The following CSMD3 variants were observed in gnomAD, a reference collection of about 807,000 sequenced individuals.
CSMD3 encodes CUB and Sushi multiple domains 3.
Under a neutral mutation model 435.2 loss-of-function variants are expected in CSMD3, and 177 were observed. The observed-to-expected ratio is 0.41, with a 90% confidence interval of 0.36 to 0.46. The LOEUF (loss-of-function observed/expected upper bound fraction) is 0.46. CSMD3 is among the 20% of genes least tolerant of loss of function. The probability of loss-of-function intolerance (pLI) is 0.34; values close to 1 mark genes in which losing one functional copy is unlikely to be tolerated. For missense variants in CSMD3, 4,265 were observed against 4,504.6 expected, an observed-to-expected ratio of 0.95 and a Z score of 1.52; for synonymous variants, 1,656 against 1,520.5, an observed-to-expected ratio of 1.09 and a Z score of -2.07.
intron 13 of CSMD3, among the ~76,000 whole-genome samples, chr8:112,743,988 C>G (rs146439584): frequency 6.6e-6 from 1 of 151,850 alleles, no homozygotes; most frequent in Non-Finnish European, 1.5e-5. Context: ...AACCTTAAAT[C>G]TATGAAATGG....
chr8:113,204,189 T>C (rs746131978), intron 3 of CSMD3, among the ~76,000 whole-genome samples: 1 of 152,080 alleles, frequency 6.6e-6, no homozygotes, highest in Non-Finnish European at 1.5e-5. Context: ...CCAGTTTATC[T>C]TAAATTGTCC....
At chr8:112,479,923 C>T (rs771788484) in intron 31 of CSMD3, among the ~76,000 whole-genome samples, 1 of 152,156 alleles carries the variant, frequency 6.6e-6, no homozygotes, top group Non-Finnish European at 1.5e-5. Flanking sequence ...GGAAGTAGGC[C>T]ACCACCCTCC....
At chr8:112,907,865 T>G (rs927551571) in intron 10 of CSMD3, among the ~76,000 whole-genome samples, 1 of 151,426 alleles carries the variant, frequency 6.6e-6, no homozygotes, top group Non-Finnish European at 1.5e-5. Context: ...ACTAGTGATA[T>G]GTAAATCAAA....
intron 12 of CSMD3, among the ~76,000 whole-genome samples, chr8:112,806,117 G>A (rs556707308): frequency 1.7e-5 from 1 of 60,460 alleles, no homozygotes; most frequent in East Asian, 9.2e-4. Flanking sequence ...ATTGTGGACA[G>A]TGAATTTCAG....
At chr8:112,649,333 A>G (rs565553770) in intron 19 of CSMD3, among the ~76,000 whole-genome samples, 1 of 152,344 alleles carries the variant, frequency 6.6e-6, no homozygotes, top group Non-Finnish European at 1.5e-5. Context: ...GAGTTGTTTA[A>G]ATCTTCATAT....
At chr8:112,749,463 T>C (rs72678494) in intron 13 of CSMD3, among the ~76,000 whole-genome samples, 2,849 of 152,130 alleles carry the variant, frequency 0.019, 43 homozygotes, top group Non-Finnish European at 0.026. Flanking sequence ...TAAATGGTGC[T>C]AGGATAACAG....
chr8:113,225,315 T>A (rs554298803), intron 3 of CSMD3, among the ~76,000 whole-genome samples: 2 of 151,600 alleles, frequency 1.3e-5, no homozygotes, highest in Non-Finnish European at 3.0e-5. Flanking sequence ...TCAGAAAAAG[T>A]TCTCTGTTCT....
At chr8:112,871,897 A>T (rs1309257458) in intron 10 of CSMD3, among the ~76,000 whole-genome samples, 1 of 152,122 alleles carries the variant, frequency 6.6e-6, no homozygotes, top group African/African-American at 2.4e-5. Flanking sequence ...AAAAATAAGG[A>T]TTTAAGTAAC....
At chr8:112,867,530 C>A (rs559222484) in intron 10 of CSMD3, among the ~76,000 whole-genome samples, 15 of 152,132 alleles carry the variant, frequency 9.9e-5, no homozygotes, top group Admixed American at 1.3e-4. Context: ...TAGCCTACTA[C>A]AAATCTAGAT....
intron 27 of CSMD3, among the ~76,000 whole-genome samples, chr8:112,548,859 T>TA (rs913708309): frequency 3.9e-5 from 6 of 151,960 alleles, no homozygotes; most frequent in East Asian, 3.9e-4. Flanking sequence ...CTATTCATCT[T>TA]AAAAAAAACT....
At position 113,070,697 on chromosome 8, in the gene CSMD3, T is replaced by C. The variant is rs532886185; in HGVS notation, c.917+28059A>G. 1.1e-4 allele frequency among the ~76,000 whole-genome samples: 17 copies of C among 152,180 alleles called. No individual in the cohort carries two copies. In the South Asian group the frequency reaches 3.3e-3, roughly 30 times the overall value. ...TAGATTCCAAATATAAGTGAGACCA[T>C]GCTGTATTTGTCTTTCTGTGTCTAG... is the stretch of plus-strand genomic sequence containing the variant. On this transcript the variant is annotated intron_variant, in intron 5 of 70. Coordinates refer to ENST00000297405, the MANE Select transcript of CSMD3 (RefSeq NM_198123.2).
intron 5 of CSMD3, among the ~76,000 whole-genome samples, chr8:113,093,778 A>G (rs1037472901): frequency 7.2e-5 from 11 of 152,180 alleles, no homozygotes; most frequent in Non-Finnish European, 1.3e-4. Context: ...TAATAAAAAT[A>G]AATAATTGTG....
rs1011153054 is a variant in CSMD3 at position 112,223,142 on chromosome 8, TC to T, written c.*1628del. 1.0e-4 allele frequency: 40 copies of T among 398,086 alleles called. No individual in the cohort carries two copies. Among genetic ancestry groups the T allele is most frequent in the African/African-American group, 8.2e-4 (40 of 48,626 alleles). The allele number at this position is 398,086 out of a possible 1,614,324, so 24.7% of individuals were successfully genotyped here. On this transcript the variant is annotated 3_prime_UTR_variant, in exon 71 of 71. Coordinates refer to ENST00000297405, the MANE Select transcript of CSMD3 (RefSeq NM_198123.2). ...AATGAATGAATCATTGTTATTGCAG[TC>T]ATTTGAATAAACAAGAATAAATAAC...
intron 6 of CSMD3, among the ~76,000 whole-genome samples, chr8:113,015,622 G>A (rs17602529): frequency 0.6 from 91,604 of 151,520 alleles, 29,312 homozygotes; most frequent in East Asian, 0.95. Context: ...ATTGCACATT[G>A]AAAGAGAAAT....
Position 112,855,556 on chromosome 8 carries a change from T to A in CSMD3, c.1755+3589A>T, listed in dbSNP as rs139790962. Among the ~76,000 whole-genome samples the A allele has an allele frequency of 3.8e-3, 575 of 152,042 alleles. 9 individuals are homozygous for A. The highest frequency in any genetic ancestry group is 0.013 in the African/African-American group (559 of 41,496). ...TATCCTAAGTATCATGAGTTCTATA[T>A]AAGGATAAATAGAGATACAAATAGA... On this transcript the variant is annotated intron_variant, in intron 11 of 70. Transcript: ENST00000297405.
At chr8:113,089,578 G>T (rs1325472557) in intron 5 of CSMD3, among the ~76,000 whole-genome samples, 2 of 151,980 alleles carry the variant, frequency 1.3e-5, no homozygotes, top group African/African-American at 4.8e-5. Context: ...AGATAATAAA[G>T]GGATATTAAT....
At chr8:113,055,482 T>C (rs74970071) in intron 5 of CSMD3, among the ~76,000 whole-genome samples, 76 of 152,296 alleles carry the variant, frequency 5.0e-4, no homozygotes, top group African/African-American at 1.8e-3. Context: ...GAGTGTGCAC[T>C]TTTTACCCAA....
intron 8 of CSMD3, among the ~76,000 whole-genome samples, chr8:112,950,670 A>G (rs911470823): frequency 1.3e-5 from 2 of 151,972 alleles, no homozygotes; most frequent in Admixed American, 1.3e-4. Flanking sequence ...CACCTCCTAC[A>G]GGTGAGAAAA....
chr8:112,717,899 CCAGG>C (rs552188018), intron 13 of CSMD3, among the ~76,000 whole-genome samples: 2 of 152,072 alleles, frequency 1.3e-5, no homozygotes, highest in East Asian at 3.9e-4. Flanking sequence ...ATAACACACA[CCAGG>C]GCCTGTCAGG....
Sources: gnomAD v4.1 joint callset for allele counts (sites outside exome capture counted in the v4.1 genomes callset) on GRCh38, gnomAD v4.1.1 for gene constraint, MANE v1.5 for transcripts, NCBI Gene and HGNC (gene_info 2026-07-23, HGNC 2026-07-21) for gene names.